The following MCC variants were observed in gnomAD, a reference collection of about 807,000 sequenced individuals.
The protein encoded by MCC is colorectal mutant cancer protein.
In MCC, 90 loss-of-function variants were observed where a neutral mutation model predicts 116.2. The observed-to-expected ratio is 0.77, with a 90% CI of 0.65 to 0.92. The LOEUF is 0.92. Ranked by LOEUF, MCC falls within the 40% of genes least tolerant of loss-of-function variation. The pLI, the probability that MCC is intolerant of heterozygous loss-of-function variation, is 0.00. For missense variants in MCC, 1,516 were observed against 1,312.2 expected (o/e 1.16, Z -2.40); for synonymous variants, 578 against 510.5 (o/e 1.13, Z -1.78).
intron 13 of MCC, among the ~76,000 whole-genome samples, chr5:113,065,481 T>C (rs1487560845): frequency 3.9e-5 from 6 of 152,214 alleles, no homozygotes; most frequent in Admixed American, 3.3e-4. Flanking sequence ...AATGAAATCT[T>C]ACACCAAATC....
At chr5:113,081,021 A>G (rs924792372) in intron 11 of MCC, among the ~76,000 whole-genome samples, 7 of 152,194 alleles carry the variant, frequency 4.6e-5, no homozygotes, top group African/African-American at 1.7e-4. Context: ...CATATAGCAG[A>G]TGCTTAACAC....
chr5:113,422,189 T>A (rs1175982047), intron 1 of MCC, among the ~76,000 whole-genome samples: 2 of 152,172 alleles, frequency 1.3e-5, no homozygotes. Context: ...CCATGGTTGA[T>A]TTGAAGCTAT....
At chr5:113,298,347 C>G (rs924840705) in intron 3 of MCC, among the ~76,000 whole-genome samples, 1 of 152,154 alleles carries the variant, frequency 6.6e-6, no homozygotes, top group African/African-American at 2.4e-5. Context: ...GGTAGAGAAG[C>G]CTACTGACTG....
Position 113,028,942 on chromosome 5 carries a change from C to T in MCC, c.2871G>A (p.Arg957=), listed in dbSNP as rs778876076. ...QSAEFVNDLK[R]ANSNLVAAYE... Reference sequence around the variant, plus strand: ...TATAGGGAGATTTTTACCTGTTGGCCCGCTTTAGATCATTCACGAACTCTG... The same window carrying T: ...TATAGGGAGATTTTTACCTGTTGGCTCGCTTTAGATCATTCACGAACTCTG... Residue 957 remains arginine (R), a synonymous_variant, in exon 18 of 19, where the codon CGG becomes CGA. Coordinates refer to ENST00000408903, the MANE Select transcript of MCC (RefSeq NM_001085377.2). 1.1e-5 allele frequency: 18 copies of T among 1,612,870 alleles called. No individual in the cohort carries two copies. Among genetic ancestry groups the T allele is most frequent in the Non-Finnish European group, 1.5e-5 (18 of 1,179,328 alleles).
intron 3 of MCC, among the ~76,000 whole-genome samples, chr5:113,318,833 A>G (rs1383917029): frequency 6.6e-6 from 1 of 152,192 alleles, no homozygotes; most frequent in Non-Finnish European, 1.5e-5. Context: ...TTAAAATAAA[A>G]GTTAAAAAAA....
intron 3 of MCC, chr5:113,269,275 AG>A: frequency 2.3e-6 from 2 of 873,456 alleles, no homozygotes; most frequent in Non-Finnish European, 2.7e-6. Flanking sequence ...ACTCTACTGC[AG>A]GGAACCAGAG....
At chr5:113,282,665 C>G (rs1410662775) in intron 3 of MCC, among the ~76,000 whole-genome samples, 1 of 152,186 alleles carries the variant, frequency 6.6e-6, no homozygotes. Flanking sequence ...TGTTAATAAT[C>G]AGCCCAGGCC....
intron 13 of MCC, among the ~76,000 whole-genome samples, chr5:113,066,908 C>T (rs1753644405): frequency 6.6e-6 from 1 of 152,190 alleles, no homozygotes; most frequent in South Asian, 2.1e-4. Context: ...CCTTGGCTTT[C>T]TGTTTACTTG....
chr5:113,268,393 G>A (rs762008391), intron 3 of MCC, among the ~76,000 whole-genome samples: 1 of 152,162 alleles, frequency 6.6e-6, no homozygotes, highest in African/African-American at 2.4e-5. Context: ...TCTGCTTACA[G>A]AAAGGCCCTT....
At chr5:113,196,403 C>T (rs1381791126) in intron 3 of MCC, among the ~76,000 whole-genome samples, 1 of 152,204 alleles carries the variant, frequency 6.6e-6, no homozygotes, top group Non-Finnish European at 1.5e-5. Context: ...GTCTCATTTA[C>T]TACCAGGCAT....
intron 5 of MCC, among the ~76,000 whole-genome samples, chr5:113,130,693 G>C (rs1486330714): frequency 6.6e-6 from 1 of 151,998 alleles, no homozygotes; most frequent in African/African-American, 2.4e-5. Context: ...AGAGCGAGTT[G>C]TTGAAAGAGC....
At chr5:113,211,602 A>T (rs10519340) in intron 3 of MCC, among the ~76,000 whole-genome samples, 3 of 152,194 alleles carry the variant, frequency 2.0e-5, no homozygotes, top group Non-Finnish European at 4.4e-5. Flanking sequence ...TACTGTCAGC[A>T]TATCTAAAGA....
intron 1 of MCC, among the ~76,000 whole-genome samples, chr5:113,442,985 C>CT (rs1771088035): frequency 6.6e-6 from 1 of 152,130 alleles, no homozygotes; most frequent in African/African-American, 2.4e-5. Flanking sequence ...TATGCAAGGT[C>CT]TTTTTTGGTT....
At chr5:113,336,465 C>T (rs1488829753) in intron 3 of MCC, among the ~76,000 whole-genome samples, 5 of 151,584 alleles carry the variant, frequency 3.3e-5, no homozygotes, top group Admixed American at 1.3e-4. Context: ...GCAGGTCACC[C>T]GCAGCATCAA....
At chr5:113,329,041 A>G (rs559986525) in intron 3 of MCC, among the ~76,000 whole-genome samples, 2 of 152,322 alleles carry the variant, frequency 1.3e-5, no homozygotes, top group African/African-American at 4.8e-5. Context: ...AGCCTGCTAC[A>G]TGCTCACTTT....
chr5:113,486,233 G>A (rs1166978767), intron 1 of MCC, among the ~76,000 whole-genome samples: 1 of 152,168 alleles, frequency 6.6e-6, no homozygotes, highest in Non-Finnish European at 1.5e-5. Flanking sequence ...ATGATTTAGG[G>A]TTCATTACTA....
intron 5 of MCC, among the ~76,000 whole-genome samples, chr5:113,125,407 T>C (rs1757986594): frequency 6.6e-6 from 1 of 152,160 alleles, no homozygotes; most frequent in Non-Finnish European, 1.5e-5. Context: ...ACAGGGAAGA[T>C]TTTGTGCCAC....
chr5:113,027,525 A>C (rs1158490924), intron 18 of MCC, 43 bp from the exon 19 acceptor site: 2 of 1,581,182 alleles, frequency 1.3e-6, no homozygotes, highest in Non-Finnish European at 1.7e-6. Flanking sequence ...ATTCATCCTA[A>C]GTAGCATCGT....
chr5:113,044,093 A>AG (rs1751913460), intron 16 of MCC, among the ~76,000 whole-genome samples: 1 of 152,224 alleles, frequency 6.6e-6, no homozygotes, highest in Non-Finnish European at 1.5e-5. Flanking sequence ...CTTGACCGCT[A>AG]GGTAAAGCCT....
Sources: allele counts gnomAD v4.1 joint callset (sites outside exome capture counted in the v4.1 genomes callset), GRCh38; gene constraint gnomAD v4.1.1; transcripts MANE v1.5; gene names NCBI Gene and HGNC (gene_info 2026-07-23, HGNC 2026-07-21).